Variants in CCDC172 observed in about 807,000 individuals in gnomAD.
CCDC172 encodes the protein coiled-coil domain-containing protein 172.
A neutral mutation model predicts 38.0 loss-of-function variants in CCDC172; 30 were observed. The observed-to-expected ratio is 0.79, with a 90% CI of 0.59 to 1.07. The LOEUF (loss-of-function observed/expected upper bound fraction) is 1.07, where lower values mean the gene tolerates loss of function less well. Ranked by LOEUF, CCDC172 falls within the 50% of genes least tolerant of loss-of-function variation. The pLI is 0.00. For missense variants in CCDC172, 297 were observed against 290.1 expected (o/e 1.02, Z -0.17); for synonymous variants, 78 against 88.3 (o/e 0.88, Z 0.66).
intron 5 of CCDC172, among the ~76,000 whole-genome samples, chr10:116,354,044 C>T (rs1844963993): frequency 2.0e-5 from 3 of 152,176 alleles, no homozygotes; most frequent in Non-Finnish European, 2.9e-5. Context: ...TACAGTCGTG[C>T]ACCACATAAC....
chr10:116,365,043 G>A (rs1845106841), intron 7 of CCDC172, among the ~76,000 whole-genome samples: 1 of 152,122 alleles, frequency 6.6e-6, no homozygotes, highest in African/African-American at 2.4e-5. Flanking sequence ...CCAGTGCAAA[G>A]TGCCCTTAGT....
At chr10:116,330,654 C>T (rs1844650911) in intron 3 of CCDC172, among the ~76,000 whole-genome samples, 1 of 152,128 alleles carries the variant, frequency 6.6e-6, no homozygotes, top group African/African-American at 2.4e-5. Flanking sequence ...TCCGTATTCT[C>T]CAACTGAAAA....
intron 3 of CCDC172, among the ~76,000 whole-genome samples, chr10:116,333,990 A>G (rs1240759085): frequency 2.0e-5 from 3 of 152,158 alleles, no homozygotes; most frequent in Admixed American, 6.6e-5. Flanking sequence ...GCCTGAATTC[A>G]TATTTCAAGA....
rs143735226 is a variant in CCDC172 at position 116,365,847 on chromosome 10, A to C, written c.653+7909A>C. Among the ~76,000 whole-genome samples the C allele has an allele frequency of 3.8e-3, 586 of 152,242 alleles. 4 individuals carry two copies. The highest frequency in any genetic ancestry group is 0.013 in the African/African-American group (553 of 41,534). On this transcript the variant is annotated intron_variant, in intron 7 of 8. Coordinates refer to ENST00000333254, the MANE Select transcript of CCDC172 (RefSeq NM_198515.3). ...ACACACATACTTACCATTGTGTTTC[A>C]GTTGCCTACAGTATTCAGTACAGTA... is the stretch of plus-strand genomic sequence containing the variant.
intron 5 of CCDC172, among the ~76,000 whole-genome samples, chr10:116,345,400 TAGG>T (rs1844853370): frequency 6.6e-6 from 1 of 151,772 alleles, no homozygotes; most frequent in Non-Finnish European, 1.5e-5. Flanking sequence ...GAAGAAAACA[TAGG>T]AGAAAATCTT....
At chr10:116,332,296 G>T (rs1198452939) in intron 3 of CCDC172, among the ~76,000 whole-genome samples, 1 of 151,954 alleles carries the variant, frequency 6.6e-6, no homozygotes. Context: ...CTCTTTGTTT[G>T]GAGTAGAAAG....
At position 116,342,047 on chromosome 10, in the gene CCDC172, G is replaced by T. The variant is rs375961590; in HGVS notation, c.294G>T (p.Lys98Asn). ...TTTATGTTTTTCAGGAGGCTATAAA[G>T]AAACAAATGATAGAGGAGGAAGACA... ...NMLLQTFEAI[K>N]KQMIEEEDKF... is the part of the protein sequence containing the mutation. Residue 98 changes from lysine (K) to asparagine (N), a missense_variant, in exon 5 of 9, where the codon AAG becomes AAT. Physicochemically the swap from Lys to Asn is moderately conservative, Grantham distance 94 (BLOSUM62 0). Transcript: ENST00000333254. 13 of 1,505,244 alleles carry T rather than the reference G, an allele frequency of 8.6e-6. No homozygotes were observed. Among genetic ancestry groups the T allele is most frequent in the Non-Finnish European group, 9.8e-6 (11 of 1,122,762 alleles). The allele number at this position is 1,505,244 out of a possible 1,614,324, so 93.2% of individuals were successfully genotyped here.
intron 7 of CCDC172, among the ~76,000 whole-genome samples, chr10:116,361,365 TATAAC>T (rs555641135): frequency 1.8e-4 from 28 of 152,306 alleles, no homozygotes; most frequent in Admixed American, 1.8e-3. Context: ...TACTCCAAAT[TATAAC>T]ATAACAGACA....
chr10:116,342,040 C>CT lies in CCDC172; in HGVS notation c.288dup (p.Ile97TyrfsTer14), dbSNP rs771434552. On this transcript the variant is annotated frameshift_variant, in exon 5 of 9. Coordinates refer to ENST00000333254, the MANE Select transcript of CCDC172 (RefSeq NM_198515.3). LOFTEE classifies it high-confidence loss of function. ...TCTTTTATTTATGTTTTTCAGGAGG[C>CT]TATAAAGAAACAAATGATAGAGGAG... 4 of 1,493,890 alleles carry CT rather than the reference C, an allele frequency of 2.7e-6. No homozygotes were observed. The highest frequency in any genetic ancestry group is 3.6e-6 in the Non-Finnish European group (4 of 1,115,008). The allele number at this position is 1,493,890 out of a possible 1,614,324, so 92.5% of individuals were successfully genotyped here.
At chr10:116,363,337 T>A (rs369367630) in intron 7 of CCDC172, among the ~76,000 whole-genome samples, 1 of 152,132 alleles carries the variant, frequency 6.6e-6, no homozygotes, top group Non-Finnish European at 1.5e-5. Flanking sequence ...ACCTATCTGC[T>A]CTTGGCCTGG....
chr10:116,334,406 GA>G (rs1435927835), intron 3 of CCDC172, among the ~76,000 whole-genome samples: 1 of 152,256 alleles, frequency 6.6e-6, no homozygotes, highest in Non-Finnish European at 1.5e-5. Context: ...GCAAAAAGCA[GA>G]GTGAAAATCA....
intron 5 of CCDC172, among the ~76,000 whole-genome samples, chr10:116,343,839 A>G (rs568838482): frequency 4.6e-5 from 7 of 152,276 alleles, no homozygotes; most frequent in African/African-American, 1.7e-4. Flanking sequence ...CTTTGACTGA[A>G]TGGTTCTCTG....
intron 3 of CCDC172, among the ~76,000 whole-genome samples, chr10:116,335,981 A>G (rs1360521055): frequency 6.6e-6 from 1 of 152,042 alleles, no homozygotes; most frequent in Non-Finnish European, 1.5e-5. Context: ...AGCCTGGCCA[A>G]CATGGCGAAA....
intron 8 of CCDC172, among the ~76,000 whole-genome samples, chr10:116,379,002 G>T (rs1456678017): frequency 6.6e-6 from 1 of 151,992 alleles, no homozygotes; most frequent in African/African-American, 2.4e-5. Context: ...ACTTTAAATT[G>T]CTTTAACCTC....
chr10:116,372,376 A>G (rs2134969410), intron 7 of CCDC172, among the ~76,000 whole-genome samples: 2 of 152,194 alleles, frequency 1.3e-5, no homozygotes, highest in South Asian at 4.2e-4. Context: ...ATTGGCAAAA[A>G]TATTCAGTTA....
chr10:116,351,506 G>T (rs557520575), intron 5 of CCDC172, among the ~76,000 whole-genome samples: 110 of 152,246 alleles, frequency 7.2e-4, no homozygotes, highest in Non-Finnish European at 1.4e-3. Context: ...TTCAGAAATT[G>T]GGATTTAAAG....
rs536348955 is a variant in CCDC172 at position 116,324,567 on chromosome 10, G to C, written c.-112G>C. The C allele has an allele frequency of 6.3e-6, 1 of 158,278 alleles. No individual in the cohort carries two copies. The highest frequency in any genetic ancestry group is 1.4e-5 in the Non-Finnish European group (1 of 71,994). The allele number at this position is 158,278 out of a possible 1,614,324, so 9.8% of individuals were successfully genotyped here. The stretch of plus-strand genomic sequence containing the variant: ...AAATGAGAGAGGACTGGGATTGAAA[G>C]GCTGACTACAGAAATGGCTGCTGCC... On this transcript the variant is annotated 5_prime_UTR_variant, in exon 1 of 9. Coordinates refer to ENST00000333254, the MANE Select transcript of CCDC172 (RefSeq NM_198515.3).
chr10:116,329,152 G>A (rs1427636437), intron 3 of CCDC172, among the ~76,000 whole-genome samples: 1 of 151,980 alleles, frequency 6.6e-6, no homozygotes, highest in Non-Finnish European at 1.5e-5. Context: ...GAAAAAATTT[G>A]TTTCCATTTT....
chr10:116,357,599 TA>T, intron 6 of CCDC172, 118 bp downstream of exon 6: 2 of 936,456 alleles, frequency 2.1e-6, no homozygotes, highest in East Asian at 6.2e-5. Context: ...ATTATTGGTA[TA>T]AAAAAGAAAT....
Sources: allele counts gnomAD v4.1 joint callset (sites outside exome capture counted in the v4.1 genomes callset), GRCh38; gene constraint gnomAD v4.1.1; transcripts MANE v1.5; gene names NCBI Gene and HGNC (gene_info 2026-07-23, HGNC 2026-07-21).